The following SANBR variants were observed in gnomAD, a reference collection of about 807,000 sequenced individuals.
The protein encoded by SANBR is SANT and BTB domain regulator of CSR, also known as SANT and BTB domain regulator of class switch recombination.
Under a neutral mutation model 101.8 loss-of-function variants are expected in SANBR, and 77 were observed. The observed-to-expected ratio is 0.76, with a 90% CI of 0.63 to 0.91. SANBR has a LOEUF of 0.91. Ranked by LOEUF, SANBR falls within the 40% of genes least tolerant of loss-of-function variation. The pLI is 0.00. For synonymous variants in SANBR, 279 were observed against 274.7 expected (o/e 1.02, Z -0.15); for missense variants, 875 against 853.0 (o/e 1.03, Z -0.32).
chr2:61,077,571 A>T (rs1416500302), intron 6 of SANBR, among the ~76,000 whole-genome samples: 1 of 152,082 alleles, frequency 6.6e-6, no homozygotes, highest in Non-Finnish European at 1.5e-5. Context: ...AGCAGTACAT[A>T]GTTACATAGT....
rs1359397615 is a variant in SANBR, at chr2:61,121,257, A to G, written c.2101A>G (p.Ser701Gly). The G allele has an allele frequency of 1.3e-6, 2 of 1,551,016 alleles. No individual in the cohort carries two copies. Among genetic ancestry groups the G allele is most frequent in the Admixed American group, 3.9e-5 (2 of 50,996 alleles). Residue 701 changes from serine (S) to glycine (G), a missense_variant, in exon 21 of 22, where the codon AGC becomes GGC. Transcript: ENST00000402291. ...ASVPVSARQS[S>G]SEKNTRSKSR... ...AGTGCCAGTTAGTGCACGCCAAAGCAGCTCAGAGAAAAACACAAGGTAAAT... is the reference window on the plus strand; with the variant it reads ...AGTGCCAGTTAGTGCACGCCAAAGCGGCTCAGAGAAAAACACAAGGTAAAT...
intron 11 of SANBR, among the ~76,000 whole-genome samples, chr2:61,095,855 A>G (rs1255121894): frequency 2.0e-5 from 3 of 152,098 alleles, no homozygotes; most frequent in African/African-American, 7.2e-5. Context: ...ATCCAGTCCA[A>G]GGTTTCACTT....
intron 11 of SANBR, among the ~76,000 whole-genome samples, chr2:61,095,640 G>T (rs536662246): frequency 6.6e-6 from 1 of 151,784 alleles, no homozygotes; most frequent in Non-Finnish European, 1.5e-5. Context: ...ACCTGTTCTC[G>T]CTCAGAGTCC....
rs1160685198 is a variant in SANBR at position 61,117,373 on chromosome 2, T to G, written c.1853T>G (p.Val618Gly). ...KALEKSASRD[V>G]SPFVMSMQKN... Reference sequence around the variant, plus strand: ...TTTTTTTAGTCAGCTTCTAGAGATGTGTCTCCTTTCGTGTGAGTATTGCTC... The same window carrying G: ...TTTTTTTAGTCAGCTTCTAGAGATGGGTCTCCTTTCGTGTGAGTATTGCTC... Residue 618 changes from valine (V) to glycine (G), a missense_variant, in exon 18 of 22, where the codon GTG becomes GGG. By Grantham distance (109) the Val-to-Gly change is moderately radical. Transcript: ENST00000402291. 1 of 1,613,912 alleles carries G rather than the reference T, an allele frequency of 6.2e-7. No individual in the cohort carries two copies. Among genetic ancestry groups the G allele is most frequent in the Non-Finnish European group, 8.5e-7 (1 of 1,179,822 alleles).
chr2:61,131,338 G>A (rs998279171), intron 20 of SANBR, among the ~76,000 whole-genome samples: 5 of 152,068 alleles, frequency 3.3e-5, no homozygotes, highest in African/African-American at 1.2e-4. Flanking sequence ...AGATAATTGA[G>A]TTCAGCAATA....
chr2:61,080,202 A>G (rs1289121613), intron 6 of SANBR, among the ~76,000 whole-genome samples: 1 of 151,702 alleles, frequency 6.6e-6, no homozygotes, highest in South Asian at 2.1e-4. Flanking sequence ...GTCTCAAAAA[A>G]AAAAAAAAAA....
intron 12 of SANBR, among the ~76,000 whole-genome samples, chr2:61,098,835 T>A (rs888311753): frequency 6.6e-6 from 1 of 152,220 alleles, no homozygotes; most frequent in Non-Finnish European, 1.5e-5. Context: ...TAAACTTGGA[T>A]CATTTATGCC....
rs577807541 is a variant in SANBR at position 61,070,282 on chromosome 2, T to C, written c.-9-60T>C. On this transcript the variant is annotated intron_variant, in intron 2 of 21. Coordinates refer to ENST00000402291, the MANE Select transcript of SANBR (RefSeq NM_001129993.3). ...GGAATGAATTATAACTGATCTGTAA[T>C]GTTCTGAAAACATTTGGATTTCGGG... The C allele has an allele frequency of 2.8e-5, 35 of 1,258,362 alleles. 1 individual carries two copies. The highest frequency in any genetic ancestry group is 1.6e-4 in the Admixed American group (6 of 37,896). 77.9% of individuals were successfully genotyped at this position (1,258,362 alleles called of 1,614,324 possible).
At chr2:61,070,548 G>A (rs1239467715) in intron 3 of SANBR, 48 bp downstream of exon 3, 1 of 1,547,956 alleles carries the variant, frequency 6.5e-7, no homozygotes, top group Non-Finnish European at 8.8e-7. Context: ...TTCAGAAAAG[G>A]TCATCAATTT....
At chr2:61,085,250 A>C (rs1682360753) in intron 8 of SANBR, among the ~76,000 whole-genome samples, 1 of 152,138 alleles carries the variant, frequency 6.6e-6, no homozygotes, top group South Asian at 2.1e-4. Context: ...TGCCTCCCTA[A>C]AAGTGGTGAA....
At chr2:61,074,044 A>T (rs983995803) in intron 5 of SANBR, among the ~76,000 whole-genome samples, 1 of 152,134 alleles carries the variant, frequency 6.6e-6, no homozygotes, top group Non-Finnish European at 1.5e-5. Context: ...GTTCACTTTG[A>T]TGAGTTTTGA....
At chr2:61,087,537 G>A (rs1355483383) in intron 8 of SANBR, among the ~76,000 whole-genome samples, 7 of 151,952 alleles carry the variant, frequency 4.6e-5, no homozygotes, top group Admixed American at 3.3e-4. Context: ...GTGGGTGATG[G>A]AGCAAGACCC....
intron 13 of SANBR, 78 bp downstream of exon 13, chr2:61,104,076 C>G: frequency 8.0e-7 from 1 of 1,252,564 alleles, no homozygotes; most frequent in Non-Finnish European, 1.1e-6. Flanking sequence ...ATCCCCAAAT[C>G]AGCAACGTCA....
chr2:61,091,526 C>T (rs977424385), intron 10 of SANBR, among the ~76,000 whole-genome samples: 31 of 150,756 alleles, frequency 2.1e-4, no homozygotes, highest in African/African-American at 6.8e-4. Context: ...CCCAGCAGGG[C>T]AGAGGTTGCA....
chr2:61,114,890 C>G (rs537774887), intron 16 of SANBR, among the ~76,000 whole-genome samples: 4 of 152,226 alleles, frequency 2.6e-5, no homozygotes, highest in Admixed American at 1.3e-4. Flanking sequence ...CTCCTAGCCA[C>G]AAGCAATCCT....
chr2:61,109,149 A>G (rs1316793625), intron 15 of SANBR, 48 bp from the exon 16 acceptor site: 14 of 953,030 alleles, frequency 1.5e-5, no homozygotes, highest in Non-Finnish European at 2.1e-5. Context: ...AAAGAATTCA[A>G]TAAAAAATCA....
At position 61,088,736 on chromosome 2, in the gene SANBR, G is replaced by T. The variant is rs530812940; in HGVS notation, c.1088+268G>T. 9.0e-4 allele frequency: 299 copies of T among 330,830 alleles called. 1 individual carries two copies. The highest frequency in any genetic ancestry group is 5.9e-3 in the African/African-American group (266 of 45,088). The allele number at this position is 330,830 out of a possible 1,614,324, so 20.5% of individuals were successfully genotyped here. ...GAGTTTCACTGTGTTGGCCAGGCTG[G>T]TCTCGAACTCCTGACCTCATGATTT... On this transcript the variant is annotated intron_variant, in intron 10 of 21. Transcript: ENST00000402291.
In SANBR at chr2:61,106,696, CATAA is replaced by C. The variant is rs779878351; in HGVS notation, c.1611+39_1611+42del. On this transcript the variant is annotated intron_variant, in intron 14 of 21. Transcript: ENST00000402291. ...TTTTTTTTCACTTATTCTTTATTTA[CATAA>C]ATAATTAATGACATTTAATCTTTGA... 22 of 1,195,202 alleles carry C rather than the reference CATAA, an allele frequency of 1.8e-5. No individual in the cohort carries two copies. The South Asian group carries it at 3.0e-4, about 16-fold the overall frequency. The allele number at this position is 1,195,202 out of a possible 1,614,324, so 74.0% of individuals were successfully genotyped here. A position where few individuals can be genotyped will look rare whatever the true frequency, so the allele number is the denominator to read the frequency against.
chr2:61,071,464 T>A (rs1418905568), intron 3 of SANBR, 142 bp from the exon 4 acceptor site: 1 of 422,616 alleles, frequency 2.4e-6, no homozygotes, highest in Non-Finnish European at 4.1e-6. Context: ...GCAGGAGAAT[T>A]GCTTGAACCC....
Sources: allele counts gnomAD v4.1 joint callset (sites outside exome capture counted in the v4.1 genomes callset), GRCh38; gene constraint gnomAD v4.1.1; transcripts MANE v1.5; gene names NCBI Gene and HGNC (gene_info 2026-07-23, HGNC 2026-07-21).